NRG3: variants seen among roughly 807,000 people sequenced by gnomAD.
NRG3 encodes neuregulin 3, also known as pro-neuregulin-3, membrane-bound isoform.
Under a neutral mutation model 66.9 loss-of-function variants are expected in NRG3, and 31 were observed. The ratio of observed to expected loss-of-function variants is 0.46; its 90% CI spans 0.35 to 0.63. The LOEUF (loss-of-function observed/expected upper bound fraction) is 0.63. Ranked by LOEUF, NRG3 falls within the 20% of genes least tolerant of loss-of-function variation. NRG3 has a pLI of 0.00. For missense variants in NRG3, 910 were observed against 878.9 expected, an observed-to-expected ratio of 1.04 and a Z score of -0.45; for synonymous variants, 393 against 359.4, an observed-to-expected ratio of 1.09 and a Z score of -1.06.
At chr10:82,855,289 A>G (rs900550011) in intron 3 of NRG3, among the ~76,000 whole-genome samples, 2 of 152,186 alleles carry the variant, frequency 1.3e-5, no homozygotes, top group African/African-American at 4.8e-5. Context: ...ATATATAAAC[A>G]CATGGCTGTT....
intron 1 of NRG3, among the ~76,000 whole-genome samples, chr10:82,151,760 C>T (rs1421427033): frequency 6.6e-6 from 1 of 152,116 alleles, no homozygotes; most frequent in Non-Finnish European, 1.5e-5. Context: ...TCTTTATTGA[C>T]CTGTGATGAT....
At chr10:82,024,159 C>A (rs1395012465) in intron 1 of NRG3, among the ~76,000 whole-genome samples, 1 of 151,210 alleles carries the variant, frequency 6.6e-6, no homozygotes, top group African/African-American at 2.4e-5. Flanking sequence ...AGAATATCCT[C>A]TAGTGAGTCT....
intron 1 of NRG3, among the ~76,000 whole-genome samples, chr10:81,906,290 A>C (rs745531204): frequency 3.3e-5 from 5 of 152,178 alleles, no homozygotes; most frequent in Non-Finnish European, 5.9e-5. Context: ...CCTGCTCTTC[A>C]ATACAGTATG....
At chr10:82,451,521 G>C (rs2091016769) in intron 2 of NRG3, among the ~76,000 whole-genome samples, 1 of 152,092 alleles carries the variant, frequency 6.6e-6, no homozygotes, top group South Asian at 2.1e-4. Flanking sequence ...TGATGGTGTG[G>C]GGAGCTTGGG....
chr10:82,136,947 C>T (rs1259314847), intron 1 of NRG3, among the ~76,000 whole-genome samples: 1 of 152,154 alleles, frequency 6.6e-6, no homozygotes, highest in African/African-American at 2.4e-5. Flanking sequence ...AGAGGGGTAA[C>T]GTAGGCTTCA....
rs1177771309 is a variant in NRG3, at chr10:82,738,659, A to C, written c.1027+9A>C. 6.2e-7 allele frequency: 1 copy of C among 1,612,882 alleles called. No individual in the cohort carries two copies. Among genetic ancestry groups the C allele is most frequent in the Admixed American group, 1.7e-5 (1 of 60,030 alleles). ...CATCTTATCGGATCCAAGTAGGTCA[A>C]GCATTTTTCTTCTCTCTAATGCAAT... On this transcript the variant is annotated intron_variant, in intron 3 of 8. Transcript: ENST00000372141.
intron 2 of NRG3, among the ~76,000 whole-genome samples, chr10:82,418,520 C>T (rs367708265): frequency 2.6e-5 from 4 of 151,832 alleles, no homozygotes; most frequent in South Asian, 4.2e-4. Context: ...AACATTTGAA[C>T]TTTGCAGATT....
chr10:81,891,346 T>G (rs1277031363), intron 1 of NRG3, among the ~76,000 whole-genome samples: 1 of 152,202 alleles, frequency 6.6e-6, no homozygotes. Context: ...TCTGTAAGGT[T>G]TGGCATGGAC....
chr10:82,855,081 G>T (rs1478848599), intron 3 of NRG3, among the ~76,000 whole-genome samples: 1 of 152,138 alleles, frequency 6.6e-6, no homozygotes, highest in Non-Finnish European at 1.5e-5. Flanking sequence ...ATGACGGGAA[G>T]TGGGGGTGAG....
chr10:82,810,293 A>G (rs928416866), intron 3 of NRG3, among the ~76,000 whole-genome samples: 2 of 152,226 alleles, frequency 1.3e-5, no homozygotes, highest in African/African-American at 4.8e-5. Context: ...TTTTATACTT[A>G]AGTATAAAAT....
chr10:82,377,455 T>TGC (rs533450976), intron 2 of NRG3, among the ~76,000 whole-genome samples: 11 of 97,744 alleles, frequency 1.1e-4, no homozygotes, highest in Non-Finnish European at 1.9e-4. Flanking sequence ...TGTGTGTGTG[T>TGC]GTGCGCGAGC....
intron 1 of NRG3, among the ~76,000 whole-genome samples, chr10:81,923,085 T>A (rs886357015): frequency 6.6e-6 from 1 of 152,198 alleles, no homozygotes; most frequent in East Asian, 1.9e-4. Context: ...AATGAGAGTT[T>A]AATATTCTTA....
chr10:82,621,309 C>A (rs955476427), intron 2 of NRG3, among the ~76,000 whole-genome samples: 4 of 152,174 alleles, frequency 2.6e-5, no homozygotes, highest in Non-Finnish European at 5.9e-5. Flanking sequence ...ATCTTCTCCT[C>A]AACAAAACCC....
chr10:82,745,717 C>G (rs1446764229), intron 3 of NRG3, among the ~76,000 whole-genome samples: 2 of 151,974 alleles, frequency 1.3e-5, no homozygotes, highest in Non-Finnish European at 2.9e-5. Flanking sequence ...AATCTTTTAC[C>G]AATCATGTAT....
chr10:82,774,941 C>G (rs1200866827), intron 3 of NRG3, among the ~76,000 whole-genome samples: 1 of 149,908 alleles, frequency 6.7e-6, no homozygotes, highest in East Asian at 2.0e-4. Context: ...TTGTGCATGC[C>G]TCAGCCTCCT....
chr10:82,817,262 T>G (rs1363412957), intron 3 of NRG3, among the ~76,000 whole-genome samples: 2 of 152,188 alleles, frequency 1.3e-5, no homozygotes, highest in African/African-American at 2.4e-5. Context: ...TCTCTCAAGC[T>G]ACAGATTTCA....
At chr10:82,958,133 G>A (rs561691543) in intron 5 of NRG3, among the ~76,000 whole-genome samples, 18 of 152,162 alleles carry the variant, frequency 1.2e-4, no homozygotes, top group Non-Finnish European at 2.4e-4. Flanking sequence ...ACTCAGAAGC[G>A]GTGGGACCAT....
intron 1 of NRG3, among the ~76,000 whole-genome samples, chr10:82,026,104 T>C (rs7101028): frequency 6.6e-6 from 1 of 151,710 alleles, no homozygotes; most frequent in Non-Finnish European, 1.5e-5. Flanking sequence ...TGGAGTCTTT[T>C]AGAGCAATTT....
At position 82,632,059 on chromosome 10, in the gene NRG3, G is replaced by A. The variant is rs374721675; in HGVS notation, c.954-106518G>A. Among the ~76,000 whole-genome samples, 16 of 152,126 alleles carry A rather than the reference G, an allele frequency of 1.1e-4. No homozygotes were observed. The East Asian group carries it at 1.9e-3, about 18-fold the overall frequency. On this transcript the variant is annotated intron_variant, in intron 2 of 8. Transcript: ENST00000372141. ...AGAGGTTGCACTGGGCCGAGATCAC[G>A]CCATTGCACCTCCAACCTGGGCAAC...
Sources: gnomAD v4.1 joint callset for allele counts (sites outside exome capture counted in the v4.1 genomes callset) on GRCh38, gnomAD v4.1.1 for gene constraint, MANE v1.5 for transcripts, NCBI Gene and HGNC (gene_info 2026-07-23, HGNC 2026-07-21) for gene names.